PCDHGA8: variants seen among roughly 807,000 people sequenced by gnomAD.
The protein encoded by PCDHGA8 is protocadherin gamma subfamily A, 8.
In PCDHGA8, 45 loss-of-function variants were observed where a neutral mutation model predicts 59.2. The observed-to-expected ratio is 0.76, with a 90% CI of 0.60 to 0.98. The LOEUF is 0.98. PCDHGA8 is among the 50% of genes least tolerant of loss of function. The pLI is 0.00. For missense variants in PCDHGA8, 1,257 were observed against 1,196.2 expected, an observed-to-expected ratio of 1.05 and a Z score of -0.75; for synonymous variants, 531 against 519.0, an observed-to-expected ratio of 1.02 and a Z score of -0.32.
intron 2 of PCDHGA8, among the ~76,000 whole-genome samples, chr5:141,497,859 G>A (rs188372194): frequency 2.0e-4 from 31 of 152,134 alleles, no homozygotes; most frequent in Middle Eastern, 6.8e-3. Context: ...TTGATTCAGC[G>A]GCTCCAAAGT....
intron 2 of PCDHGA8, among the ~76,000 whole-genome samples, chr5:141,500,893 A>G (rs1393294152): frequency 1.1e-5 from 1 of 94,848 alleles, no homozygotes; most frequent in Non-Finnish European, 2.0e-5. Context: ...TTTTTTTGAG[A>G]CAGTCTCGCT....
At chr5:141,506,278 G>A (rs1001662623) in intron 3 of PCDHGA8, among the ~76,000 whole-genome samples, 1 of 152,090 alleles carries the variant, frequency 6.6e-6, no homozygotes. Flanking sequence ...GTGAAACCCT[G>A]TCTCTACTAA....
At chr5:141,500,293 C>T (rs1380080572) in intron 2 of PCDHGA8, among the ~76,000 whole-genome samples, 3 of 151,870 alleles carry the variant, frequency 2.0e-5, no homozygotes, top group Non-Finnish European at 4.4e-5. Flanking sequence ...ACTGCAAGCT[C>T]CGCCTCCCAG....
rs1165828230 is a variant in PCDHGA8, at chr5:141,511,464, C to T, written c.*291C>T. On this transcript the variant is annotated 3_prime_UTR_variant, in exon 4 of 4. Coordinates refer to ENST00000398604, the MANE Select transcript of PCDHGA8 (RefSeq NM_032088.2). ...ACACCAAGAACCATTTGCCACACCCCGTTTAGTTACAGCTGAACTCCTCCA... is the reference window on the plus strand; with the variant it reads ...ACACCAAGAACCATTTGCCACACCCTGTTTAGTTACAGCTGAACTCCTCCA... 9 of 538,254 alleles carry T rather than the reference C, an allele frequency of 1.7e-5. No individual in the cohort carries two copies. The highest frequency in any genetic ancestry group is 7.8e-5 in the East Asian group (2 of 25,720). 33.3% of individuals were successfully genotyped at this position (538,254 alleles called of 1,614,324 possible).
chr5:141,409,273 G>A, intron 1 of PCDHGA8: 1 of 1,613,958 alleles, frequency 6.2e-7, no homozygotes, highest in South Asian at 1.1e-5. Context: ...ATCAGATTTT[G>A]GAGAATTCAC....
intron 1 of PCDHGA8, among the ~76,000 whole-genome samples, chr5:141,460,646 C>T (rs1001365023): frequency 2.0e-5 from 3 of 151,954 alleles, no homozygotes; most frequent in African/African-American, 7.3e-5. Context: ...ACTGTGTTTA[C>T]ACATATGTAA....
In PCDHGA8 at chr5:141,476,178, T is replaced by G; in HGVS notation, c.2425-18629T>G. Reference sequence around the variant, plus strand: ...ACCGGGAGGGTAGTGGGAGTTTTGCTTCTGCTTGGTGCCTTGAACAAGGCT... The same window carrying G: ...ACCGGGAGGGTAGTGGGAGTTTTGCGTCTGCTTGGTGCCTTGAACAAGGCT... On this transcript the variant is annotated intron_variant, in intron 1 of 3. Transcript: ENST00000398604. This position sits in a 1 kb window ranked among gnomAD's most constrained non-coding sequence, Gnocchi z 7.6. The G allele has an allele frequency of 3.1e-6, 5 of 1,613,632 alleles. No homozygotes were observed. Among genetic ancestry groups the G allele is most frequent in the Non-Finnish European group, 4.2e-6 (5 of 1,180,000 alleles).
At chr5:141,408,912 A>G (rs772751015) in intron 1 of PCDHGA8, 4 of 1,613,594 alleles carry the variant, frequency 2.5e-6, no homozygotes, top group Middle Eastern at 1.6e-4. Flanking sequence ...GATACCAATG[A>G]TAACCCCCCG....
chr5:141,427,664 C>T (rs760682962), intron 1 of PCDHGA8: 11 of 775,778 alleles, frequency 1.4e-5, no homozygotes, highest in East Asian at 1.0e-4. Context: ...TCCACGTGGC[C>T]GAAAACAACC....
At position 141,461,820 on chromosome 5, in the gene PCDHGA8, AT is replaced by A. The variant is rs1458631685; in HGVS notation, c.2425-32978del. Among the ~76,000 whole-genome samples the A allele has an allele frequency of 8.1e-5, 12 of 147,918 alleles. 1 individual carries two copies. In the South Asian group the frequency reaches 1.3e-3, roughly 16 times the overall value. On this transcript the variant is annotated intron_variant, in intron 1 of 3. Transcript: ENST00000398604. ...AGGTGCCCACCACCACACCCAGCTAATTTTTTTTTCTTTTTTTTTTGAGACA... is the reference window on the plus strand; with the variant it reads ...AGGTGCCCACCACCACACCCAGCTAATTTTTTTTCTTTTTTTTTTGAGACA...
chr5:141,423,940 G>A (rs937456850), intron 1 of PCDHGA8: 1 of 1,217,098 alleles, frequency 8.2e-7, no homozygotes, highest in Non-Finnish European at 1.0e-6. Flanking sequence ...TTTGAAGTAA[G>A]TTGAATTTTA....
chr5:141,490,249 C>T lies in PCDHGA8; in HGVS notation c.2425-4558C>T, dbSNP rs2099697737. On this transcript the variant is annotated intron_variant, in intron 1 of 3. Coordinates refer to ENST00000398604, the MANE Select transcript of PCDHGA8 (RefSeq NM_032088.2). The surrounding 1 kb of genome is among the most constrained non-coding windows in gnomAD (Gnocchi z 5.4). ...TGCCATGGAGGGCCACTGTGTGATT[C>T]AAGTGGATGTGGGGGATGTCAATGA... The T allele has an allele frequency of 1.2e-6, 2 of 1,614,218 alleles. No individual in the cohort carries two copies. The highest frequency in any genetic ancestry group is 1.7e-6 in the Non-Finnish European group (2 of 1,180,044).
intron 1 of PCDHGA8, chr5:141,416,335 C>A (rs573998059): frequency 6.6e-6 from 1 of 152,256 alleles, no homozygotes; most frequent in Non-Finnish European, 1.5e-5. Flanking sequence ...ACTTTCATTG[C>A]TCAATAGGGA....
chr5:141,500,258 G>A lies in PCDHGA8; in HGVS notation c.2484-5135G>A, dbSNP rs2099798463. On this transcript the variant is annotated intron_variant, in intron 2 of 3. Coordinates refer to ENST00000398604, the MANE Select transcript of PCDHGA8 (RefSeq NM_032088.2). ...TAGCCTTGCTCTGTCACCCAGGCTG[G>A]ACTGCAGTGGCGCAATCTCGGCTCA... Among the ~76,000 whole-genome samples the A allele has an allele frequency of 2.0e-5, 3 of 150,738 alleles. No homozygotes were observed. In the South Asian group the frequency reaches 6.3e-4, roughly 32 times the overall value.
At chr5:141,492,197 TA>T (rs2099738125) in intron 1 of PCDHGA8, among the ~76,000 whole-genome samples, 1 of 152,200 alleles carries the variant, frequency 6.6e-6, no homozygotes, top group African/African-American at 2.4e-5. Flanking sequence ...CTGCGGGACT[TA>T]GGTGTGCGCG....
chr5:141,432,250 A>C lies in PCDHGA8; in HGVS notation c.2424+37013A>C, dbSNP rs777728825. ...ATTCCCTGGCTGAGAACACCATCCA[A>C]GGGGCAAGCCTATCGTCCTACGTGT... On this transcript the variant is annotated intron_variant, in intron 1 of 3. Coordinates refer to ENST00000398604, the MANE Select transcript of PCDHGA8 (RefSeq NM_032088.2). This position sits in a 1 kb window ranked among gnomAD's most constrained non-coding sequence, Gnocchi z 6.0. 2 of 1,614,116 alleles carry C rather than the reference A, an allele frequency of 1.2e-6. No homozygotes were observed. The highest frequency in any genetic ancestry group is 1.7e-6 in the Non-Finnish European group (2 of 1,180,062).
At chr5:141,498,429 G>T (rs1595525351) in intron 2 of PCDHGA8, among the ~76,000 whole-genome samples, 1 of 152,290 alleles carries the variant, frequency 6.6e-6, no homozygotes, top group East Asian at 1.9e-4. Flanking sequence ...GGAGTGAGGG[G>T]ATGAAGAGGA....
intron 1 of PCDHGA8, chr5:141,411,955 A>C (rs1427605209): frequency 6.6e-5 from 10 of 152,244 alleles, no homozygotes; most frequent in African/African-American, 1.2e-4. Context: ...TTTGAAGAAA[A>C]AAGATAAAAT....
intron 1 of PCDHGA8, chr5:141,412,841 G>C (rs1285924844): frequency 4.9e-6 from 1 of 205,932 alleles, no homozygotes; most frequent in East Asian, 1.1e-4. Flanking sequence ...AAAGATAGGA[G>C]TGGAGAAACC....
Sources: gnomAD v4.1 joint callset for allele counts (sites outside exome capture counted in the v4.1 genomes callset) on GRCh38, gnomAD v4.1.1 for gene constraint, Gnocchi (gnomAD v3.1) non-coding constraint, MANE v1.5 for transcripts, NCBI Gene and HGNC (gene_info 2026-07-23, HGNC 2026-07-21) for gene names.